The following CSMD1 variants were observed in gnomAD, a reference collection of about 807,000 sequenced individuals.
CSMD1 encodes the protein CUB and sushi domain-containing protein 1.
Under a neutral mutation model 417.5 loss-of-function variants are expected in CSMD1, and 213 were observed. That is an observed-to-expected ratio of 0.51 (90% confidence interval 0.46 to 0.57). The LOEUF (loss-of-function observed/expected upper bound fraction) is 0.57, where lower values mean the gene tolerates loss of function less well. CSMD1 is among the 20% of genes least tolerant of loss of function. The probability of loss-of-function intolerance (pLI) is 0.00; values close to 1 mark genes in which losing one functional copy is unlikely to be tolerated. For synonymous variants in CSMD1, 2,862 were observed against 1,736.8 expected (o/e 1.65, Z -16.11); for missense variants, 6,923 against 4,529.7 (o/e 1.53, Z -15.17).
At chr8:4,152,016 A>G (rs10100404) in intron 3 of CSMD1, among the ~76,000 whole-genome samples, 1 of 152,122 alleles carries the variant, frequency 6.6e-6, no homozygotes, top group Non-Finnish European at 1.5e-5. Flanking sequence ...AACGTAATCA[A>G]TGTGTTTAGC....
At chr8:3,896,190 G>A (rs953731834) in intron 5 of CSMD1, among the ~76,000 whole-genome samples, 1 of 152,084 alleles carries the variant, frequency 6.6e-6, no homozygotes, top group African/African-American at 2.4e-5. Flanking sequence ...ATGATCTAGA[G>A]CCCTGTGACA....
intron 2 of CSMD1, among the ~76,000 whole-genome samples, chr8:4,560,428 G>T (rs750985998): frequency 8.5e-5 from 13 of 152,106 alleles, no homozygotes; most frequent in Non-Finnish European, 1.6e-4. Context: ...ATGTCTGATG[G>T]GCTTAGCAAT....
chr8:4,968,177 T>G (rs919420300), intron 1 of CSMD1, among the ~76,000 whole-genome samples: 1 of 152,146 alleles, frequency 6.6e-6, no homozygotes, highest in Non-Finnish European at 1.5e-5. Context: ...ATAGGATAAT[T>G]TTTTCCAGAT....
chr8:3,781,301 T>C (rs1186641208), intron 5 of CSMD1, among the ~76,000 whole-genome samples: 3 of 152,144 alleles, frequency 2.0e-5, no homozygotes, highest in Admixed American at 1.3e-4. Context: ...GAATATACAA[T>C]ATTCATACAT....
intron 1 of CSMD1, among the ~76,000 whole-genome samples, chr8:4,680,708 T>G (rs1392941099): frequency 6.6e-6 from 1 of 152,012 alleles, no homozygotes; most frequent in Non-Finnish European, 1.5e-5. Flanking sequence ...GCCTCCCGAG[T>G]AGCTGGGATT....
chr8:4,148,061 A>G (rs1300584397), intron 3 of CSMD1, among the ~76,000 whole-genome samples: 1 of 152,090 alleles, frequency 6.6e-6, no homozygotes, highest in Non-Finnish European at 1.5e-5. Flanking sequence ...AGAAATATAC[A>G]AGCAGGAGGA....
chr8:4,946,428 G>C (rs1267817578), intron 1 of CSMD1, among the ~76,000 whole-genome samples: 1 of 152,156 alleles, frequency 6.6e-6, no homozygotes, highest in Non-Finnish European at 1.5e-5. Context: ...AGATGGCTTT[G>C]GACCGTGTGT....
chr8:3,244,137 C>T (rs1799725968), intron 26 of CSMD1, among the ~76,000 whole-genome samples: 1 of 152,182 alleles, frequency 6.6e-6, no homozygotes, highest in Non-Finnish European at 1.5e-5. Flanking sequence ...TGTCGTTCAA[C>T]ACGTGAAGGA....
At chr8:4,108,538 A>T (rs7004070) in intron 3 of CSMD1, among the ~76,000 whole-genome samples, 1 of 152,034 alleles carries the variant, frequency 6.6e-6, no homozygotes, top group South Asian at 2.1e-4. Context: ...TGTAACCCCA[A>T]CTGTTTTCCC....
At chr8:3,307,196 T>A (rs1040737901) in intron 25 of CSMD1, among the ~76,000 whole-genome samples, 9 of 152,124 alleles carry the variant, frequency 5.9e-5, no homozygotes, top group African/African-American at 2.2e-4. Context: ...TTAGCAAGTG[T>A]AATGTAAGCA....
At chr8:3,555,644 G>A (rs1254101153) in intron 10 of CSMD1, among the ~76,000 whole-genome samples, 7 of 152,242 alleles carry the variant, frequency 4.6e-5, no homozygotes, top group East Asian at 1.9e-4. Flanking sequence ...AGTAAATATG[G>A]AAGTACATGT....
intron 1 of CSMD1, among the ~76,000 whole-genome samples, chr8:4,834,492 G>A (rs1048715922): frequency 6.6e-5 from 10 of 152,150 alleles, no homozygotes; most frequent in African/African-American, 2.4e-4. Context: ...AGTGAAGTTC[G>A]AGCTGAGTTG....
Position 3,534,728 on chromosome 8 carries a change from C to G in CSMD1, c.1344+40217G>C, listed in dbSNP as rs573251527. ...TAGTCCCAGAGCCTTTAAGCAACAA[C>G]TGCATAAGCATCCAGGTTGAGCATA... On this transcript the variant is annotated intron_variant, in intron 10 of 69. Coordinates refer to ENST00000635120, the MANE Select transcript of CSMD1 (RefSeq NM_033225.6). Among the ~76,000 whole-genome samples the G allele has an allele frequency of 5.8e-4, 88 of 152,278 alleles. 1 individual carries two copies. Among genetic ancestry groups the G allele is most frequent in the African/African-American group, 1.8e-3 (75 of 41,554 alleles).
intron 5 of CSMD1, among the ~76,000 whole-genome samples, chr8:3,826,018 T>C (rs1355537861): frequency 6.6e-6 from 1 of 152,218 alleles, no homozygotes; most frequent in Non-Finnish European, 1.5e-5. Flanking sequence ...CTTGCCTTTT[T>C]CAAAGGCCAA....
At chr8:3,435,374 C>G (rs1814487523) in intron 12 of CSMD1, among the ~76,000 whole-genome samples, 1 of 152,142 alleles carries the variant, frequency 6.6e-6, no homozygotes, top group African/African-American at 2.4e-5. Flanking sequence ...CCCAGCCACC[C>G]AGTCCCGCCA....
intron 38 of CSMD1, among the ~76,000 whole-genome samples, chr8:3,159,114 T>C (rs145029252): frequency 2.6e-4 from 39 of 152,270 alleles, no homozygotes; most frequent in African/African-American, 8.4e-4. Context: ...TCCCCATTCT[T>C]CGACGCATTA....
chr8:3,224,911 T>C (rs1482039268), intron 27 of CSMD1, among the ~76,000 whole-genome samples: 1 of 152,214 alleles, frequency 6.6e-6, no homozygotes. Context: ...ATGCTGAGTT[T>C]AAAAGTTGTT....
chr8:4,908,656 A>T (rs1326032623), intron 1 of CSMD1, among the ~76,000 whole-genome samples: 1 of 151,134 alleles, frequency 6.6e-6, no homozygotes, highest in East Asian at 1.9e-4. Context: ...TGAGTCCACC[A>T]GACTCTTTTC....
intron 2 of CSMD1, among the ~76,000 whole-genome samples, chr8:4,537,197 T>G (rs939925173): frequency 6.6e-6 from 1 of 152,184 alleles, no homozygotes; most frequent in Non-Finnish European, 1.5e-5. Flanking sequence ...ATATCAGCAT[T>G]AAAGGGAAAT....
Sources: gnomAD v4.1 joint callset for allele counts (sites outside exome capture counted in the v4.1 genomes callset) on GRCh38, gnomAD v4.1.1 for gene constraint, MANE v1.5 for transcripts, NCBI Gene and HGNC (gene_info 2026-07-23, HGNC 2026-07-21) for gene names.